DNAH12: variants seen among roughly 807,000 people sequenced by gnomAD.
The protein encoded by DNAH12 is axonemal beta dynein heavy chain 12.
DNAH12 carries 285 observed loss-of-function variants against 371.5 expected under a neutral mutation model. The ratio of observed to expected loss-of-function variants is 0.77; its 90% confidence interval spans 0.70 to 0.85. The LOEUF is 0.85. Among genes scored for constraint, DNAH12 ranks in the 40% least tolerant of loss-of-function variants. The probability of loss-of-function intolerance (pLI) is 0.00; values close to 1 mark genes in which losing one functional copy is unlikely to be tolerated. For missense variants in DNAH12, 3,611 were observed against 3,689.4 expected, an observed-to-expected ratio of 0.98 and a Z score of 0.55; for synonymous variants, 1,200 against 1,213.0, an observed-to-expected ratio of 0.99 and a Z score of 0.22.
At chr3:57,333,361 C>T (rs940985551) in intron 62 of DNAH12, among the ~76,000 whole-genome samples, 5 of 127,298 alleles carry the variant, frequency 3.9e-5, no homozygotes, top group South Asian at 2.2e-4. Flanking sequence ...GATGGAGTCT[C>T]GCTCTGTCAC....
chr3:57,387,523 T>G (rs2063520498), intron 45 of DNAH12, among the ~76,000 whole-genome samples: 1 of 152,194 alleles, frequency 6.6e-6, no homozygotes, highest in African/African-American at 2.4e-5. Flanking sequence ...GTAGGCATCC[T>G]AAATTTATCA....
At chr3:57,344,269 A>G (rs2062483943) in intron 60 of DNAH12, among the ~76,000 whole-genome samples, 2 of 89,870 alleles carry the variant, frequency 2.2e-5, no homozygotes, top group Non-Finnish European at 5.3e-5. Flanking sequence ...TAGAATGGCT[A>G]TCATCAAAAA....
intron 60 of DNAH12, among the ~76,000 whole-genome samples, chr3:57,337,668 A>G (rs1033367358): frequency 9.2e-5 from 14 of 152,218 alleles, no homozygotes; most frequent in African/African-American, 3.4e-4. Context: ...TCAAAAAAAT[A>G]TATATATGTG....
intron 38 of DNAH12, among the ~76,000 whole-genome samples, chr3:57,414,389 T>TA (rs1455307038): frequency 1.3e-5 from 2 of 152,220 alleles, no homozygotes; most frequent in Admixed American, 1.3e-4. Flanking sequence ...TGAATAATTT[T>TA]ACTTTCCAAC....
At chr3:57,392,160 C>A (rs1326726400) in intron 44 of DNAH12, 94 bp from the exon 45 acceptor site, 2 of 117,404 alleles carry the variant, frequency 1.7e-5, no homozygotes, top group Non-Finnish European at 4.1e-5. Context: ...AGTTTTATTG[C>A]ACCCTGTAAA....
intron 60 of DNAH12, among the ~76,000 whole-genome samples, chr3:57,336,388 GA>G (rs2062222869): frequency 6.6e-6 from 1 of 151,756 alleles, no homozygotes; most frequent in Non-Finnish European, 1.5e-5. Context: ...AGCAAAGTAT[GA>G]ACATAATAGA....
At chr3:57,410,339 G>T (rs149012832) in intron 39 of DNAH12, among the ~76,000 whole-genome samples, 1 of 151,814 alleles carries the variant, frequency 6.6e-6, no homozygotes, top group Non-Finnish European at 1.5e-5. Flanking sequence ...GGTGATCTGC[G>T]ATCTTTGATG....
intron 29 of DNAH12, among the ~76,000 whole-genome samples, chr3:57,442,466 G>C (rs971287501): frequency 1.3e-5 from 2 of 152,142 alleles, no homozygotes; most frequent in African/African-American, 4.8e-5. Flanking sequence ...TAACTGTAAA[G>C]TTGTAATAAG....
chr3:57,449,933 C>G (rs1206461576), intron 25 of DNAH12, among the ~76,000 whole-genome samples: 1 of 152,176 alleles, frequency 6.6e-6, no homozygotes, highest in Admixed American at 6.5e-5. Context: ...TTCTCAGTGT[C>G]TAGTGTTATA....
At chr3:57,311,001 A>G in intron 66 of DNAH12, 51 bp from the exon 67 acceptor site, 1 of 1,290,128 alleles carries the variant, frequency 7.8e-7, no homozygotes. Flanking sequence ...ATTTCACTTC[A>G]TTTCCATTTT....
In DNAH12 at chr3:57,337,349, T is replaced by C. The variant is rs145228261; in HGVS notation, c.9675-2409A>G. Among the ~76,000 whole-genome samples, 548 of 151,134 alleles carry C rather than the reference T, an allele frequency of 3.6e-3. 6 individuals are homozygous for C. Among genetic ancestry groups the C allele is most frequent in the African/African-American group, 0.013 (524 of 41,120 alleles). On this transcript the variant is annotated intron_variant, in intron 60 of 73. Transcript: ENST00000495027. The stretch of plus-strand genomic sequence containing the variant: ...ATAGGGAGACCCTCTATTTTAATAA[T>C]AAAATTTTTGTAAAAGAGAGAACTT...
chr3:57,319,012 T>A (rs1325200641), intron 65 of DNAH12, among the ~76,000 whole-genome samples: 1 of 152,196 alleles, frequency 6.6e-6, no homozygotes, highest in African/African-American at 2.4e-5. Context: ...CATGGGATAT[T>A]TTTCCATGTT....
chr3:57,384,233 T>C (rs1411652030), intron 49 of DNAH12, among the ~76,000 whole-genome samples: 1 of 152,168 alleles, frequency 6.6e-6, no homozygotes, highest in African/African-American at 2.4e-5. Context: ...CTGCACACTG[T>C]ACTTAACATA....
intron 13 of DNAH12, among the ~76,000 whole-genome samples, chr3:57,478,145 G>T (rs1009433304): frequency 1.3e-5 from 2 of 152,022 alleles, no homozygotes; most frequent in Non-Finnish European, 2.9e-5. Context: ...GAGGAAGTTC[G>T]AACCCATGGC....
chr3:57,370,045 A>T (rs1285395690), intron 55 of DNAH12, among the ~76,000 whole-genome samples: 1 of 152,222 alleles, frequency 6.6e-6, no homozygotes, highest in Non-Finnish European at 1.5e-5. Flanking sequence ...TATGAAAATA[A>T]TACTAGGCTA....
the DNAH12 span, among the ~76,000 whole-genome samples, chr3:57,555,252 A>G: frequency 3.3e-5 from 5 of 152,208 alleles, no homozygotes; most frequent in Non-Finnish European, 7.3e-5. Context: ...TAAAAAATAA[A>G]AAAATAAAAT....
At chr3:57,423,142 A>T (rs1278832645) in intron 35 of DNAH12, among the ~76,000 whole-genome samples, 2 of 152,178 alleles carry the variant, frequency 1.3e-5, no homozygotes, top group Non-Finnish European at 2.9e-5. Context: ...TATCAAGTCC[A>T]AAAGTAAATA....
intron 11 of DNAH12, among the ~76,000 whole-genome samples, chr3:57,496,452 C>T (rs1195356142): frequency 6.6e-6 from 1 of 151,956 alleles, no homozygotes; most frequent in Non-Finnish European, 1.5e-5. Context: ...CCAAAAAATA[C>T]TTGACAAAAT....
At chr3:57,479,500 T>G (rs1452281247) in intron 13 of DNAH12, among the ~76,000 whole-genome samples, 4 of 152,074 alleles carry the variant, frequency 2.6e-5, no homozygotes, top group Non-Finnish European at 5.9e-5. Flanking sequence ...CTGTCAACAT[T>G]AGACAGATCA....
Sources: allele counts gnomAD v4.1 joint callset (sites outside exome capture counted in the v4.1 genomes callset), GRCh38; gene constraint gnomAD v4.1.1; transcripts MANE v1.5; gene names NCBI Gene and HGNC (gene_info 2026-07-23, HGNC 2026-07-21).